IQCJ: variants seen among roughly 807,000 people sequenced by gnomAD.
IQCJ encodes the protein IQ motif containing J, also known as IQ domain-containing protein J.
In IQCJ, 9 loss-of-function variants were observed where a neutral mutation model predicts 11.0. The observed-to-expected ratio is 0.82, with a 90% CI of 0.49 to 1.43. The LOEUF (loss-of-function observed/expected upper bound fraction) is 1.43. IQCJ is among the 40% of genes most tolerant of loss of function. The probability of loss-of-function intolerance (pLI) is 0.00; values close to 1 mark genes in which losing one functional copy is unlikely to be tolerated. For missense variants in IQCJ, 146 were observed against 133.2 expected, an observed-to-expected ratio of 1.10 and a Z score of -0.47; for synonymous variants, 55 against 51.3, an observed-to-expected ratio of 1.07 and a Z score of -0.31.
chr3:159,139,098 T>G (rs1297087233), intron 1 of IQCJ, among the ~76,000 whole-genome samples: 2 of 152,202 alleles, frequency 1.3e-5, no homozygotes, highest in Non-Finnish European at 1.5e-5. Context: ...TTCATATCTT[T>G]ATAAAATGGA....
chr3:159,084,670 C>T (rs1296145792), intron 1 of IQCJ, among the ~76,000 whole-genome samples: 1 of 152,078 alleles, frequency 6.6e-6, no homozygotes, highest in Non-Finnish European at 1.5e-5. Context: ...AGGAGCTAGT[C>T]TATGTGACTC....
At chr3:159,069,681 A>G in intron 1 of IQCJ, 1 of 609,472 alleles carries the variant, frequency 1.6e-6, no homozygotes, top group Non-Finnish European at 2.9e-6. Flanking sequence ...GACAGATTTC[A>G]CTAAAGGAAT....
At chr3:159,173,830 G>A (rs763111507) in intron 1 of IQCJ, among the ~76,000 whole-genome samples, 5 of 151,760 alleles carry the variant, frequency 3.3e-5, no homozygotes, top group Non-Finnish European at 5.9e-5. Flanking sequence ...TTATCTTTTT[G>A]TTCTTGTTGC....
chr3:159,217,410 GC>G (rs373132404), intron 1 of IQCJ, among the ~76,000 whole-genome samples: 1 of 152,222 alleles, frequency 6.6e-6, no homozygotes, highest in African/African-American at 2.4e-5. Flanking sequence ...GTTATCACAT[GC>G]TTGGCTGCAC....
chr3:159,087,457 C>G (rs1716871528), intron 1 of IQCJ, among the ~76,000 whole-genome samples: 1 of 150,584 alleles, frequency 6.6e-6, no homozygotes, highest in Non-Finnish European at 1.5e-5. Context: ...AGGATTTCCT[C>G]TTTTTCTATT....
At chr3:159,224,649 A>G (rs963445918) in intron 1 of IQCJ, among the ~76,000 whole-genome samples, 3 of 152,204 alleles carry the variant, frequency 2.0e-5, no homozygotes, top group African/African-American at 7.2e-5. Context: ...GGAAGTATAC[A>G]CTACCACCTA....
At chr3:159,169,279 C>CTTTTTTTTTTTTTTTTT (rs141888128) in intron 1 of IQCJ, among the ~76,000 whole-genome samples, 143 of 56,258 alleles carry the variant, frequency 2.5e-3, no homozygotes, top group East Asian at 6.3e-3. Flanking sequence ...TTCTTTCTTT[C>CTTTTTTTTTTTTTTTTT]TTTTTTTTTT....
intron 1 of IQCJ, among the ~76,000 whole-genome samples, chr3:159,106,532 A>G (rs907751277): frequency 6.6e-6 from 1 of 151,952 alleles, no homozygotes; most frequent in Admixed American, 6.6e-5. Flanking sequence ...GGGTGGGGGA[A>G]GCGGGGAGAG....
chr3:159,234,263 C>T (rs888033029), intron 1 of IQCJ, among the ~76,000 whole-genome samples: 2 of 152,172 alleles, frequency 1.3e-5, no homozygotes, highest in Non-Finnish European at 2.9e-5. Flanking sequence ...ATAATTCATG[C>T]AACATGCCTG....
chr3:159,121,310 T>A (rs1359673067), intron 1 of IQCJ, among the ~76,000 whole-genome samples: 6 of 150,138 alleles, frequency 4.0e-5, no homozygotes, highest in South Asian at 2.1e-4. Context: ...ATCAAAAAAA[T>A]TTTTTTTAGA....
chr3:159,243,245 T>C (rs1345190266), intron 1 of IQCJ, among the ~76,000 whole-genome samples: 1 of 152,152 alleles, frequency 6.6e-6, no homozygotes, highest in East Asian at 1.9e-4. Flanking sequence ...CCTAGATATT[T>C]ACTGAAGAGA....
chr3:159,174,392 AT>A (rs2107999501), intron 1 of IQCJ, among the ~76,000 whole-genome samples: 1 of 152,286 alleles, frequency 6.6e-6, no homozygotes, highest in African/African-American at 2.4e-5. Context: ...GATTAAAAAC[AT>A]TATTCTCCAC....
At chr3:159,145,187 T>C (rs983987543) in intron 1 of IQCJ, among the ~76,000 whole-genome samples, 1 of 152,186 alleles carries the variant, frequency 6.6e-6, no homozygotes, top group Non-Finnish European at 1.5e-5. Flanking sequence ...CTGAATTGAT[T>C]TATTTCAGAT....
At chr3:159,185,514 T>G (rs139038231) in intron 1 of IQCJ, among the ~76,000 whole-genome samples, 2 of 152,294 alleles carry the variant, frequency 1.3e-5, no homozygotes, top group Non-Finnish European at 2.9e-5. Context: ...TAACAAATTA[T>G]TTTAAAACTT....
At chr3:159,198,961 A>T (rs1369263053) in intron 1 of IQCJ, among the ~76,000 whole-genome samples, 2 of 152,224 alleles carry the variant, frequency 1.3e-5, no homozygotes, top group East Asian at 3.9e-4. Context: ...GCACAGTCAG[A>T]AGAAGGATTA....
At chr3:159,234,664 T>C (rs1036654229) in intron 1 of IQCJ, among the ~76,000 whole-genome samples, 3 of 152,080 alleles carry the variant, frequency 2.0e-5, no homozygotes, top group African/African-American at 7.2e-5. Context: ...TTGTTGAATA[T>C]GTACTTAAAG....
chr3:159,179,673 A>G (rs894479042), intron 1 of IQCJ, among the ~76,000 whole-genome samples: 2 of 152,322 alleles, frequency 1.3e-5, no homozygotes, highest in African/African-American at 4.8e-5. Flanking sequence ...CATTTCTATG[A>G]AAAGAGACTG....
intron 1 of IQCJ, among the ~76,000 whole-genome samples, chr3:159,134,408 C>T (rs900344693): frequency 2.0e-5 from 3 of 152,128 alleles, no homozygotes; most frequent in African/African-American, 7.2e-5. Context: ...AGGGGAGCCA[C>T]CTATAAGCCT....
intron 1 of IQCJ, among the ~76,000 whole-genome samples, chr3:159,146,213 G>T (rs1263053304): frequency 1.3e-5 from 2 of 152,194 alleles, no homozygotes; most frequent in Admixed American, 1.3e-4. Context: ...TTGGGACATG[G>T]TGTTAGCTCT....
Sources: gnomAD v4.1 joint callset for allele counts (sites outside exome capture counted in the v4.1 genomes callset) on GRCh38, gnomAD v4.1.1 for gene constraint, MANE v1.5 for transcripts, NCBI Gene and HGNC (gene_info 2026-07-23, HGNC 2026-07-21) for gene names.